Variants in NKAIN2 observed in about 807,000 individuals in gnomAD.
NKAIN2 encodes sodium/potassium transporting ATPase interacting 2, also known as sodium/potassium-transporting ATPase subunit beta-1-interacting protein 2.
Under a neutral mutation model 32.6 loss-of-function variants are expected in NKAIN2, and 14 were observed. The ratio of observed to expected loss-of-function variants is 0.43; its 90% CI spans 0.28 to 0.67. The LOEUF is 0.67. Ranked by LOEUF, NKAIN2 falls within the 30% of genes least tolerant of loss-of-function variation. The pLI is 0.17. For missense variants in NKAIN2, 198 were observed against 258.3 expected, an observed-to-expected ratio of 0.77 and a Z score of 1.60; for synonymous variants, 80 against 87.2, an observed-to-expected ratio of 0.92 and a Z score of 0.46.
chr6:123,881,107 C>T (rs1246927942), intron 1 of NKAIN2, among the ~76,000 whole-genome samples: 4 of 152,098 alleles, frequency 2.6e-5, no homozygotes, highest in Non-Finnish European at 5.9e-5. Flanking sequence ...CTGCAACCGC[C>T]ACCTCCCCGG....
At chr6:124,089,314 T>A (rs990338608) in intron 1 of NKAIN2, among the ~76,000 whole-genome samples, 7 of 151,950 alleles carry the variant, frequency 4.6e-5, no homozygotes, top group African/African-American at 1.7e-4. Context: ...AAAGTCATGG[T>A]CTTTCTTCTA....
At chr6:124,275,317 T>G (rs1185873270) in intron 1 of NKAIN2, among the ~76,000 whole-genome samples, 1 of 151,342 alleles carries the variant, frequency 6.6e-6, no homozygotes, top group Non-Finnish European at 1.5e-5. Context: ...TTCAGAAAAA[T>G]GTGACTCTGT....
Position 124,487,077 on chromosome 6 carries a change from A to G in NKAIN2, c.273+131730A>G, listed in dbSNP as rs368711006. Among the ~76,000 whole-genome samples the G allele has an allele frequency of 6.5e-4, 99 of 152,224 alleles. 1 individual carries two copies. The South Asian group carries it at 0.02, about 30-fold the overall frequency. On this transcript the variant is annotated intron_variant, in intron 3 of 6. Transcript: ENST00000368417. ...GAAGTTAAGGATGTTAAATTATTTG[A>G]TAAATTAAGTCATTAGTACATCCTG...
chr6:123,910,483 A>G (rs896546871), intron 1 of NKAIN2, among the ~76,000 whole-genome samples: 2 of 139,488 alleles, frequency 1.4e-5, no homozygotes, highest in African/African-American at 2.8e-5. Flanking sequence ...TTTTGAGGAC[A>G]TTACCTGCAA....
At chr6:124,089,804 A>G (rs931198621) in intron 1 of NKAIN2, among the ~76,000 whole-genome samples, 2 of 152,004 alleles carry the variant, frequency 1.3e-5, no homozygotes, top group Non-Finnish European at 2.9e-5. Flanking sequence ...CTAATTCTCA[A>G]TATCACCTTG....
intron 1 of NKAIN2, among the ~76,000 whole-genome samples, chr6:124,067,683 A>T (rs1258760017): frequency 6.6e-6 from 1 of 152,164 alleles, no homozygotes; most frequent in Non-Finnish European, 1.5e-5. Context: ...GTGGTAAAAC[A>T]TCAGTATGAT....
intron 3 of NKAIN2, among the ~76,000 whole-genome samples, chr6:124,493,334 TG>T (rs901863895): frequency 2.6e-5 from 4 of 152,010 alleles, no homozygotes; most frequent in Non-Finnish European, 5.9e-5. Context: ...GAGTTATTTC[TG>T]CTTTGTAAAA....
chr6:124,249,881 A>G (rs1793616082), intron 1 of NKAIN2, among the ~76,000 whole-genome samples: 1 of 152,146 alleles, frequency 6.6e-6, no homozygotes, highest in Non-Finnish European at 1.5e-5. Flanking sequence ...ACTGTAGCCT[A>G]TATAAAGGTG....
At chr6:124,266,253 C>CTA (rs1488968629) in intron 1 of NKAIN2, among the ~76,000 whole-genome samples, 1 of 152,116 alleles carries the variant, frequency 6.6e-6, no homozygotes, top group Non-Finnish European at 1.5e-5. Context: ...AGGTCAAACT[C>CTA]TATATATGTG....
At chr6:124,354,486 G>C (rs1458747171) in intron 2 of NKAIN2, among the ~76,000 whole-genome samples, 2 of 152,126 alleles carry the variant, frequency 1.3e-5, no homozygotes, top group Non-Finnish European at 2.9e-5. Flanking sequence ...CACTGTAATG[G>C]GAGATAGTGA....
intron 3 of NKAIN2, among the ~76,000 whole-genome samples, chr6:124,411,021 T>C (rs1774146274): frequency 6.6e-6 from 1 of 151,908 alleles, no homozygotes; most frequent in Admixed American, 6.6e-5. Context: ...TTTTTTTGTT[T>C]TCCATTTGCT....
chr6:123,825,307 A>G (rs1774101520), intron 1 of NKAIN2, among the ~76,000 whole-genome samples: 3 of 152,172 alleles, frequency 2.0e-5, no homozygotes, highest in African/African-American at 7.2e-5. Flanking sequence ...GGTAAACAAA[A>G]AATAATTCCT....
At chr6:124,584,251 AG>A (rs1199309133) in intron 3 of NKAIN2, among the ~76,000 whole-genome samples, 1 of 152,210 alleles carries the variant, frequency 6.6e-6, no homozygotes, top group Non-Finnish European at 1.5e-5. Context: ...CCATCTGAGA[AG>A]GAATTGGTAA....
At chr6:124,684,630 T>G (rs1475723157) in intron 4 of NKAIN2, among the ~76,000 whole-genome samples, 1 of 152,194 alleles carries the variant, frequency 6.6e-6, no homozygotes, top group African/African-American at 2.4e-5. Context: ...TGTAATGGGT[T>G]TCTTCTAGCC....
At chr6:124,014,462 C>T (rs1408345982) in intron 1 of NKAIN2, among the ~76,000 whole-genome samples, 4 of 151,888 alleles carry the variant, frequency 2.6e-5, no homozygotes, top group African/African-American at 9.7e-5. Flanking sequence ...TATGTTTATA[C>T]AAATGTCCTC....
intron 1 of NKAIN2, among the ~76,000 whole-genome samples, chr6:123,851,242 C>CTCT (rs1383360552): frequency 2.8e-5 from 2 of 71,040 alleles, no homozygotes; most frequent in Non-Finnish European, 5.6e-5. Flanking sequence ...TATGGTGGTT[C>CTCT]TATTTTTTTT....
intron 1 of NKAIN2, among the ~76,000 whole-genome samples, chr6:124,190,292 T>C (rs1789951625): frequency 6.6e-6 from 1 of 152,236 alleles, no homozygotes; most frequent in Non-Finnish European, 1.5e-5. Flanking sequence ...TAAAGCACTT[T>C]GTAAATTATA....
Position 124,751,245 on chromosome 6 carries a change from G to A in NKAIN2, c.475-40094G>A, listed in dbSNP as rs1218947631. On this transcript the variant is annotated intron_variant, in intron 4 of 6. Coordinates refer to ENST00000368417, the MANE Select transcript of NKAIN2 (RefSeq NM_001040214.3). ...TCTTGATTATTACATTTCAGAGAATGGTCTCTGGGTCCTTAAGAAAGACAT... is the reference window on the plus strand; with the variant it reads ...TCTTGATTATTACATTTCAGAGAATAGTCTCTGGGTCCTTAAGAAAGACAT... Among the ~76,000 whole-genome samples, 6 of 152,156 alleles carry A rather than the reference G, an allele frequency of 3.9e-5. No homozygotes were observed. The South Asian group carries it at 1.0e-3, about 26-fold the overall frequency.
At chr6:124,278,724 A>G (rs1230704606) in intron 1 of NKAIN2, among the ~76,000 whole-genome samples, 1 of 146,426 alleles carries the variant, frequency 6.8e-6, no homozygotes, top group Non-Finnish European at 1.5e-5. Context: ...TGAAATATAT[A>G]TATAGCACAA....
Sources: allele counts gnomAD v4.1 joint callset (sites outside exome capture counted in the v4.1 genomes callset), GRCh38; gene constraint gnomAD v4.1.1; transcripts MANE v1.5; gene names NCBI Gene and HGNC (gene_info 2026-07-23, HGNC 2026-07-21).